The following CDKAL1 variants were observed in gnomAD, a reference collection of about 807,000 sequenced individuals.
CDKAL1 encodes the protein threonylcarbamoyladenosine tRNA methylthiotransferase.
A neutral mutation model predicts 68.2 loss-of-function variants in CDKAL1; 32 were observed. The ratio of observed to expected loss-of-function variants is 0.47; its 90% CI spans 0.35 to 0.63. The LOEUF is 0.63. Ranked by LOEUF, CDKAL1 falls within the 30% of genes least tolerant of loss-of-function variation. CDKAL1 has a pLI of 0.00. For synonymous variants in CDKAL1, 234 were observed against 244.3 expected, an observed-to-expected ratio of 0.96 and a Z score of 0.39; for missense variants, 606 against 696.7, an observed-to-expected ratio of 0.87 and a Z score of 1.47.
At chr6:21,214,169 G>C (rs1368952251) in intron 15 of CDKAL1, among the ~76,000 whole-genome samples, 2 of 152,130 alleles carry the variant, frequency 1.3e-5, no homozygotes, top group Non-Finnish European at 2.9e-5. Flanking sequence ...CAGGAGCTGG[G>C]CGTGGAGATG....
At chr6:21,168,502 A>G (rs751353827) in intron 13 of CDKAL1, among the ~76,000 whole-genome samples, 3 of 152,236 alleles carry the variant, frequency 2.0e-5, no homozygotes, top group Non-Finnish European at 4.4e-5. Flanking sequence ...TACACATGAG[A>G]AAAATTTCTT....
intron 10 of CDKAL1, among the ~76,000 whole-genome samples, chr6:20,997,437 G>A (rs1462639469): frequency 7.1e-6 from 1 of 141,108 alleles, no homozygotes; most frequent in Non-Finnish European, 1.5e-5. Flanking sequence ...AGGGGCAAGT[G>A]TATTTTTATT....
intron 12 of CDKAL1, among the ~76,000 whole-genome samples, chr6:21,087,144 G>A (rs1434604949): frequency 1.3e-5 from 2 of 152,160 alleles, no homozygotes; most frequent in East Asian, 1.9e-4. Context: ...AGCAAGCTTT[G>A]TGCCCCATAC....
intron 4 of CDKAL1, among the ~76,000 whole-genome samples, chr6:20,618,493 C>G (rs1767029599): frequency 6.6e-6 from 1 of 152,134 alleles, no homozygotes; most frequent in African/African-American, 2.4e-5. Flanking sequence ...TTGCCCATGC[C>G]TATGTCCTGA....
intron 5 of CDKAL1, among the ~76,000 whole-genome samples, chr6:20,735,135 G>A (rs2150318353): frequency 6.6e-6 from 1 of 152,268 alleles, no homozygotes. Context: ...CTCCCAAAGT[G>A]CTGGGATTTC....
Position 20,966,544 on chromosome 6 carries a change from C to T in CDKAL1, c.909+10959C>T, listed in dbSNP as rs186041933. Reference sequence around the variant, plus strand: ...AATCAAACTGATTGTTTAGCATAATCCTGAAAGATCCCCAATTATTCATTA... The same window carrying T: ...AATCAAACTGATTGTTTAGCATAATTCTGAAAGATCCCCAATTATTCATTA... On this transcript the variant is annotated intron_variant, in intron 10 of 15. Transcript: ENST00000274695. Among the ~76,000 whole-genome samples the T allele has an allele frequency of 8.5e-5, 13 of 152,200 alleles. No homozygotes were observed. The East Asian group carries it at 2.5e-3, about 29-fold the overall frequency.
intron 5 of CDKAL1, among the ~76,000 whole-genome samples, chr6:20,672,574 C>T (rs562978326): frequency 5.9e-5 from 9 of 152,004 alleles, no homozygotes; most frequent in African/African-American, 2.2e-4. Context: ...TGGCTGGTCT[C>T]GAACTCCTGG....
chr6:20,627,523 G>C (rs555390416), intron 4 of CDKAL1, among the ~76,000 whole-genome samples: 1 of 152,248 alleles, frequency 6.6e-6, no homozygotes, highest in Middle Eastern at 3.4e-3. Flanking sequence ...AGGTAGACCA[G>C]TTCCTTCCAC....
At chr6:20,582,072 T>TCTA (rs1765163058) in intron 4 of CDKAL1, among the ~76,000 whole-genome samples, 1 of 152,210 alleles carries the variant, frequency 6.6e-6, no homozygotes, top group Non-Finnish European at 1.5e-5. Context: ...CATTTATGTA[T>TCTA]CTAACCCACA....
intron 10 of CDKAL1, among the ~76,000 whole-genome samples, chr6:20,957,344 T>A (rs1278891531): frequency 1.3e-5 from 2 of 152,174 alleles, no homozygotes; most frequent in African/African-American, 4.8e-5. Flanking sequence ...GATTGCAAGA[T>A]TGCAGCAGCT....
Position 21,176,693 on chromosome 6 carries a change from TTTG to T in CDKAL1, c.1300-21325_1300-21323del, listed in dbSNP as rs1295462582. On this transcript the variant is annotated intron_variant, in intron 13 of 15. Transcript: ENST00000274695. ...TGGGCTGGATGTTGGTTTTTTTTTT[TTTG>T]TTTTTTTTTTTTTTTTGAGACGGAG... Among the ~76,000 whole-genome samples, 132 of 136,472 alleles carry T rather than the reference TTTG, an allele frequency of 9.7e-4. 16 individuals are homozygous for T. The highest frequency in any genetic ancestry group is 1.1e-3 in the Non-Finnish European group (71 of 62,824). 89.5% of individuals were successfully genotyped at this position (136,472 alleles called of 152,430 possible).
At chr6:21,088,261 G>T (rs1475454263) in intron 12 of CDKAL1, among the ~76,000 whole-genome samples, 2 of 152,140 alleles carry the variant, frequency 1.3e-5, no homozygotes, top group Non-Finnish European at 2.9e-5. Context: ...ACAGAGATCT[G>T]GGAAAGAAGG....
intron 5 of CDKAL1, among the ~76,000 whole-genome samples, chr6:20,725,798 A>G (rs1033836035): frequency 2.2e-4 from 33 of 151,678 alleles, no homozygotes; most frequent in Non-Finnish European, 1.3e-4. Context: ...AAAAAAAAAA[A>G]AAAAAAGAAA....
chr6:20,715,203 C>G (rs753078881), intron 5 of CDKAL1, among the ~76,000 whole-genome samples: 3 of 152,144 alleles, frequency 2.0e-5, no homozygotes, highest in Non-Finnish European at 4.4e-5. Context: ...CCTACATCTC[C>G]CTATTTTCTC....
At chr6:21,079,383 G>A (rs1298254775) in intron 12 of CDKAL1, among the ~76,000 whole-genome samples, 2 of 152,194 alleles carry the variant, frequency 1.3e-5, no homozygotes, top group African/African-American at 4.8e-5. Context: ...AGAGGAATCA[G>A]AAAGCCCATT....
chr6:21,147,242 T>C (rs1467282745), intron 13 of CDKAL1, among the ~76,000 whole-genome samples: 1 of 152,222 alleles, frequency 6.6e-6, no homozygotes, highest in Non-Finnish European at 1.5e-5. Context: ...TTTTATTTAG[T>C]ATAAAGAATG....
chr6:20,769,468 AG>A (rs1266869899), intron 7 of CDKAL1, among the ~76,000 whole-genome samples: 1 of 151,960 alleles, frequency 6.6e-6, no homozygotes, highest in African/African-American at 2.4e-5. Flanking sequence ...CATGTTGGCT[AG>A]GCTGGTCTCG....
rs539476761 is a variant in CDKAL1, at chr6:21,177,419, T to C, written c.1300-20602T>C. ...ATCTGTTATCAAATACATTAAGAAC[T>C]ACCTCTGCATTGTAATGATTATGAA... On this transcript the variant is annotated intron_variant, in intron 13 of 15. Transcript: ENST00000274695. Among the ~76,000 whole-genome samples, 12 of 152,356 alleles carry C rather than the reference T, an allele frequency of 7.9e-5. No individual in the cohort carries two copies. The East Asian group carries it at 1.7e-3, about 22-fold the overall frequency.
At chr6:20,979,670 A>T (rs1463340465) in intron 10 of CDKAL1, among the ~76,000 whole-genome samples, 2 of 152,124 alleles carry the variant, frequency 1.3e-5, no homozygotes, top group South Asian at 4.1e-4. Context: ...GACGAAGTCC[A>T]GACTGCATTT....
Sources: allele counts gnomAD v4.1 joint callset (sites outside exome capture counted in the v4.1 genomes callset), GRCh38; gene constraint gnomAD v4.1.1; transcripts MANE v1.5; gene names NCBI Gene and HGNC (gene_info 2026-07-23, HGNC 2026-07-21).